TREH: variants seen among roughly 807,000 people sequenced by gnomAD.
The protein encoded by TREH is alpha,alpha-trehalose glucohydrolase.
TREH carries 69 observed loss-of-function variants against 80.5 expected under a neutral mutation model. That is an observed-to-expected ratio of 0.86 (90% CI 0.71 to 1.05). The LOEUF is 1.05. Among genes scored for constraint, TREH ranks in the 50% least tolerant of loss-of-function variants. The pLI, the probability that TREH is intolerant of heterozygous loss-of-function variation, is 0.00. For synonymous variants in TREH, 309 were observed against 293.5 expected (o/e 1.05, Z -0.54); for missense variants, 716 against 718.8 (o/e 1.00, Z 0.04).
At chr11:118,664,604 A>G (rs552996895) in intron 1 of TREH, among the ~76,000 whole-genome samples, 16 of 152,252 alleles carry the variant, frequency 1.1e-4, no homozygotes, top group Non-Finnish European at 2.1e-4. Context: ...TGGACCACCA[A>G]GTTACATTTC....
chr11:118,660,690 C>A lies in TREH; in HGVS notation c.951G>T (p.Glu317Asp). Residue 317 changes from glutamate (E) to aspartate (D), a missense_variant, in exon 10 of 15, where the codon GAG becomes GAT. Coordinates refer to ENST00000264029, the MANE Select transcript of TREH (RefSeq NM_007180.3). ...AGCGTGAAGAGAAGTCCCAGCCAGA[C>A]TCAGCCCCAGCCTTGAGCTCAGCCC... ...ALWAELKAGA[E>D]SGWDFSSRWL... 6.2e-7 allele frequency: 1 copy of A among 1,601,336 alleles called. No homozygotes were observed. The highest frequency in any genetic ancestry group is 8.5e-7 in the Non-Finnish European group (1 of 1,173,988).
Position 118,679,570 on chromosome 11 carries a change from AC to A in TREH, c.57del (p.Ser20ProfsTer20). The A allele has an allele frequency of 6.5e-7, 1 of 1,548,464 alleles. No homozygotes were observed. The highest frequency in any genetic ancestry group is 1.2e-5 in the South Asian group (1 of 80,924). On this transcript the variant is annotated frameshift_variant, in exon 1 of 15. Coordinates refer to ENST00000264029, the MANE Select transcript of TREH (RefSeq NM_007180.3). LOFTEE classifies it high-confidence loss of function. Reference protein sequence around the residue: ...CLLLLLGLGLGSQEALPPPCE... With the variant: ...CLLLLLGLGLXSQEALPPPCE... ...CAGGGTGGGGGTAGGGCCTCCTGGG[AC>A]CCCAGTCCCAGCCCCAGCAGCAGTA... is the stretch of plus-strand genomic sequence containing the variant.
In TREH at chr11:118,660,659, T is replaced by A. The variant is rs958391780; in HGVS notation, c.982A>T (p.Ile328Phe). ...AGCGAGTTGGGGTTTGGGCCTCCAA[T>A]GAGCCAGCGTGAAGAGAAGTCCCAG... ...SGWDFSSRWL[I>F]GGPNPNSLSG... Residue 328 changes from isoleucine to phenylalanine, a missense_variant, in exon 10 of 15, where the codon ATT becomes TTT. Transcript: ENST00000264029. The A allele has an allele frequency of 6.2e-7, 1 of 1,605,090 alleles. No homozygotes were observed. The highest frequency in any genetic ancestry group is 8.5e-7 in the Non-Finnish European group (1 of 1,175,770).
intron 1 of TREH, among the ~76,000 whole-genome samples, chr11:118,666,778 G>T (rs1460933659): frequency 6.6e-6 from 1 of 152,182 alleles, no homozygotes; most frequent in Non-Finnish European, 1.5e-5. Context: ...GCAGCAGCAT[G>T]GCCAGCCTGT....
At position 118,663,372 on chromosome 11, in the gene TREH, G is replaced by T; in HGVS notation, c.157C>A (p.Gln53Lys). Residue 53 changes from glutamine to lysine, a missense_variant, in exon 2 of 15, where the codon CAG (glutamine) becomes AAG (lysine). Transcript: ENST00000264029. ...ATAGACAGTGGCATGTCCACAAACT[G>T]CTTGTCATCCTGGTAGAGCTTGGCC... The part of the protein sequence containing the change: ...QMAKLYQDDK[Q>K]FVDMPLSIAP... The T allele has an allele frequency of 6.3e-7, 1 of 1,597,454 alleles. No individual in the cohort carries two copies. The highest frequency in any genetic ancestry group is 1.7e-5 in the Admixed American group (1 of 57,832).
chr11:118,664,610 A>G (rs1441849932), intron 1 of TREH, among the ~76,000 whole-genome samples: 2 of 152,332 alleles, frequency 1.3e-5, no homozygotes, highest in East Asian at 1.9e-4. Context: ...ACCAAGTTAC[A>G]TTTCTTCAGA....
At chr11:118,658,655 G>T (rs782500442) in intron 14 of TREH, 25 bp downstream of exon 14, 1 of 1,569,208 alleles carries the variant, frequency 6.4e-7, no homozygotes, top group Non-Finnish European at 8.6e-7. Context: ...CCTGGTGTTG[G>T]CCAGCCCACC....
At position 118,658,327 on chromosome 11, in the gene TREH, G is replaced by A. The variant is rs782402709; in HGVS notation, c.1714C>T (p.Leu572Phe). 3.8e-6 allele frequency: 6 copies of A among 1,592,526 alleles called. No homozygotes were observed. The highest frequency in any genetic ancestry group is 5.1e-6 in the Non-Finnish European group (6 of 1,170,552). ...AGGCTGAGCAGGAGGCTGGGCAGAA[G>A]GGTGGCCGCCAGGCAGTGGGGCTCC... The part of the protein sequence containing the change: ...FLEPHCLAAT[L>F]LPSLLLSLLP... The change falls in exon 15 of 15, where the codon CTT (leucine) becomes TTT (phenylalanine). Residue 572 changes from leucine (L) to phenylalanine (F), a missense_variant. Transcript: ENST00000264029.
chr11:118,677,371 G>A (rs1365161442), intron 1 of TREH, among the ~76,000 whole-genome samples: 1 of 152,206 alleles, frequency 6.6e-6, no homozygotes, highest in African/African-American at 2.4e-5. Flanking sequence ...ATTTTCTCCT[G>A]GACTTGGCCC....
intron 1 of TREH, 128 bp from the exon 2 acceptor site, chr11:118,663,567 G>T (rs115603673): frequency 8.3e-6 from 6 of 725,418 alleles, no homozygotes; most frequent in Admixed American, 2.4e-5. Context: ...CTGTGTGTGC[G>T]TGCGTGTGTG....
Position 118,663,007 on chromosome 11 carries a change from C to T in TREH, c.336-39G>A, listed in dbSNP as rs782658850. 4 of 1,610,490 alleles carry T rather than the reference C, an allele frequency of 2.5e-6. No homozygotes were observed. In the South Asian group the frequency reaches 4.4e-5, roughly 18 times the overall value. The stretch of plus-strand genomic sequence containing the variant: ...GGCCCCACAGGGTTCAAGGAGGCAG[C>T]TCAGTTGGAAGGAACCCTCTCTTGT... On this transcript the variant is annotated intron_variant, in intron 3 of 14. Transcript: ENST00000264029.
intron 1 of TREH, among the ~76,000 whole-genome samples, chr11:118,667,206 G>A (rs1417073178): frequency 6.6e-6 from 1 of 151,340 alleles, no homozygotes. Flanking sequence ...TTAGACAAGG[G>A]TTCGCTCTAT....
Position 118,663,150 on chromosome 11 carries a change from G to A in TREH, c.237C>T (p.His79=), listed in dbSNP as rs782714753. ...CCTGCAGCTGCTCCCTGGGGATGCT[G>A]TGATTGTGGTCCCTGGACAGCTCAG... is the stretch of plus-strand genomic sequence containing the variant. ...TFTELSRDHN[H]SIPREQLQAF... is the part of the protein sequence containing the mutation. The change falls in exon 3 of 15, where the codon CAC becomes CAT. Residue 79 remains histidine (H), a synonymous_variant. Transcript: ENST00000264029. 2 of 1,613,754 alleles carry A rather than the reference G, an allele frequency of 1.2e-6. No individual in the cohort carries two copies. The highest frequency in any genetic ancestry group is 2.2e-5 in the East Asian group (1 of 44,886).
At chr11:118,671,470 G>C (rs767565615) in intron 1 of TREH, among the ~76,000 whole-genome samples, 1 of 151,920 alleles carries the variant, frequency 6.6e-6, no homozygotes, top group African/African-American at 2.4e-5. Flanking sequence ...TTGAAGACAG[G>C]CTATTTGAAA....
chr11:118,663,993 T>A (rs1337166836), intron 1 of TREH, among the ~76,000 whole-genome samples: 1 of 152,176 alleles, frequency 6.6e-6, no homozygotes, highest in Non-Finnish European at 1.5e-5. Flanking sequence ...TCTTGGGTGA[T>A]GTCAGAGGAA....
intron 1 of TREH, among the ~76,000 whole-genome samples, chr11:118,669,665 A>T (rs564008910): frequency 2.2e-4 from 34 of 152,300 alleles, no homozygotes; most frequent in African/African-American, 7.7e-4. Flanking sequence ...ACTCATGGAG[A>T]TAGAGAGTAG....
At chr11:118,669,682 G>A (rs1253989506) in intron 1 of TREH, among the ~76,000 whole-genome samples, 2 of 152,136 alleles carry the variant, frequency 1.3e-5, no homozygotes, top group Non-Finnish European at 2.9e-5. Context: ...GTAGAATGAC[G>A]ATTAGGAGAG....
In TREH at chr11:118,662,985, C is replaced by T. The variant is rs1949341414; in HGVS notation, c.336-17G>A. The T allele has an allele frequency of 1.2e-6, 2 of 1,611,730 alleles. No individual in the cohort carries two copies. Among genetic ancestry groups the T allele is most frequent in the Non-Finnish European group, 1.7e-6 (2 of 1,178,640 alleles). On this transcript the variant is annotated splice_polypyrimidine_tract_variant and intron_variant, in intron 3 of 14. Transcript: ENST00000264029. ...AACTGGGGGCTGAAAGAACACAGGC[C>T]CCACAGGGTTCAAGGAGGCAGCTCA...
At chr11:118,671,248 T>C (rs1949427249) in intron 1 of TREH, among the ~76,000 whole-genome samples, 1 of 152,204 alleles carries the variant, frequency 6.6e-6, no homozygotes, top group African/African-American at 2.4e-5. Flanking sequence ...AATATAGTTA[T>C]ATTTTTTTGC....
Sources: allele counts gnomAD v4.1 joint callset (sites outside exome capture counted in the v4.1 genomes callset), GRCh38; gene constraint gnomAD v4.1.1; transcripts MANE v1.5; gene names NCBI Gene and HGNC (gene_info 2026-07-23, HGNC 2026-07-21).